C2CD5: variants seen among roughly 807,000 people sequenced by gnomAD.
The protein encoded by C2CD5 is C2 calcium dependent domain containing 5.
A neutral mutation model predicts 130.3 loss-of-function variants in C2CD5; 109 were observed. The ratio of observed to expected loss-of-function variants is 0.84; its 90% CI spans 0.72 to 0.98. The LOEUF is 0.98. Among genes scored for constraint, C2CD5 ranks in the 50% least tolerant of loss-of-function variants. C2CD5 has a pLI of 0.00. For missense variants in C2CD5, 996 were observed against 1,261.8 expected, an observed-to-expected ratio of 0.79 and a Z score of 3.19; for synonymous variants, 454 against 429.2, an observed-to-expected ratio of 1.06 and a Z score of -0.71.
chr12:22,522,845 T>C (rs1016307358), intron 7 of C2CD5, among the ~76,000 whole-genome samples: 21 of 152,200 alleles, frequency 1.4e-4, no homozygotes, highest in Admixed American at 2.6e-4. Flanking sequence ...TGAATATTCA[T>C]TTTATGCTTT....
At chr12:22,538,301 T>C (rs1952013712) in intron 2 of C2CD5, among the ~76,000 whole-genome samples, 2 of 152,204 alleles carry the variant, frequency 1.3e-5, no homozygotes, top group Non-Finnish European at 1.5e-5. Context: ...TTTCTCCACC[T>C]AATTCAAGAG....
At position 22,474,859 on chromosome 12, in the gene C2CD5, G is replaced by A. The variant is rs776270060; in HGVS notation, c.1935C>T (p.Ile645=). The A allele has an allele frequency of 1.2e-6, 2 of 1,603,942 alleles. No homozygotes were observed. The highest frequency in any genetic ancestry group is 1.7e-6 in the Non-Finnish European group (2 of 1,173,032). ...GTCTTGAGCGTTGCCTAGGTTCTGG[G>A]ATGGGTGATCCTATAATCTCTTCAG... ...EISEEIIGSP[I]PEPRQRSRLL... Residue 645 remains isoleucine, a synonymous_variant, in exon 16 of 27, where the codon ATC becomes ATT. Coordinates refer to ENST00000446597, the MANE Select transcript of C2CD5 (RefSeq NM_001286176.2).
chr12:22,539,496 T>C (rs1952139385), intron 2 of C2CD5, among the ~76,000 whole-genome samples: 1 of 152,104 alleles, frequency 6.6e-6, no homozygotes, highest in East Asian at 1.9e-4. Flanking sequence ...TCCTAAAGCT[T>C]TGCAAAAAAG....
Position 22,484,892 on chromosome 12 carries a change from T to C in C2CD5, c.1359-4A>G. The C allele has an allele frequency of 1.4e-6, 2 of 1,388,996 alleles. No individual in the cohort carries two copies. The highest frequency in any genetic ancestry group is 1.9e-6 in the Non-Finnish European group (2 of 1,035,750). The allele number at this position is 1,388,996 out of a possible 1,614,324, so 86.0% of individuals were successfully genotyped here. On this transcript the variant is annotated splice_polypyrimidine_tract_variant and splice_region_variant and intron_variant, in intron 12 of 26. Coordinates refer to ENST00000446597, the MANE Select transcript of C2CD5 (RefSeq NM_001286176.2). ...TGTAGGCAAATTTTCTTCAAGCCTA[T>C]ATAAATAAATAAAAAAATAAGATAT...
At chr12:22,481,490 C>G (rs1342390672) in intron 14 of C2CD5, among the ~76,000 whole-genome samples, 1 of 152,056 alleles carries the variant, frequency 6.6e-6, no homozygotes, top group Non-Finnish European at 1.5e-5. Flanking sequence ...TTTGCAGGCA[C>G]CTGGTTCTCT....
At chr12:22,515,896 T>C (rs1949670275) in intron 8 of C2CD5, among the ~76,000 whole-genome samples, 1 of 151,972 alleles carries the variant, frequency 6.6e-6, no homozygotes, top group Non-Finnish European at 1.5e-5. Context: ...ATTCTAACAC[T>C]AGTAAATCTA....
intron 14 of C2CD5, among the ~76,000 whole-genome samples, chr12:22,479,143 G>A (rs1021987244): frequency 6.6e-6 from 1 of 151,258 alleles, no homozygotes; most frequent in Non-Finnish European, 1.5e-5. Flanking sequence ...GCGTGATCTC[G>A]GCTCACTGCA....
At chr12:22,488,261 G>A (rs1674034865) in intron 12 of C2CD5, among the ~76,000 whole-genome samples, 1 of 151,978 alleles carries the variant, frequency 6.6e-6, no homozygotes, top group Admixed American at 6.6e-5. Flanking sequence ...TAGTGAATTA[G>A]CATGAAAAAT....
In C2CD5 at chr12:22,514,511, G is replaced by C. The variant is rs532584918; in HGVS notation, c.953-1132C>G. Among the ~76,000 whole-genome samples the C allele has an allele frequency of 6.6e-5, 10 of 151,918 alleles. No homozygotes were observed. In the East Asian group the frequency reaches 1.9e-3, roughly 29 times the overall value. ...AATTGAAATATCAGAAAATAGAGCA[G>C]AAAAATTTAATAATTAATGCAACAG... On this transcript the variant is annotated intron_variant, in intron 8 of 26. Coordinates refer to ENST00000446597, the MANE Select transcript of C2CD5 (RefSeq NM_001286176.2).
intron 2 of C2CD5, among the ~76,000 whole-genome samples, chr12:22,542,419 A>AT (rs1228603523): frequency 1.3e-5 from 2 of 152,312 alleles, no homozygotes; most frequent in Admixed American, 6.5e-5. Flanking sequence ...TTTATAGAAA[A>AT]TGGGGCTTTC....
intron 3 of C2CD5, among the ~76,000 whole-genome samples, chr12:22,531,048 A>C (rs1379000928): frequency 1.3e-5 from 2 of 152,170 alleles, no homozygotes; most frequent in African/African-American, 2.4e-5. Context: ...AAGGCTATCA[A>C]AATAAACTAT....
intron 10 of C2CD5, 75 bp downstream of exon 10, chr12:22,506,636 T>TA (rs1176359342): frequency 1.1e-5 from 10 of 895,692 alleles, no homozygotes; most frequent in South Asian, 4.5e-5. Flanking sequence ...GATTTGGCTT[T>TA]AAAAAAATCA....
At chr12:22,495,007 CTCTAA>C (rs1946831729) in intron 10 of C2CD5, among the ~76,000 whole-genome samples, 1 of 151,970 alleles carries the variant, frequency 6.6e-6, no homozygotes, top group Non-Finnish European at 1.5e-5. Flanking sequence ...CAAGTGGTTG[CTCTAA>C]TCTATTAAAT....
Position 22,459,507 on chromosome 12 carries a change from G to A in C2CD5, c.2569C>T (p.Pro857Ser). Residue 857 changes from proline to serine, a missense_variant, in exon 23 of 27, where the codon CCA becomes TCA. By Grantham distance (74) the Pro-to-Ser change is moderately conservative. Transcript: ENST00000446597. Reference protein sequence around the residue: ...LESASSNSGIPAAQRATSVDY... With the variant: ...LESASSNSGISAAQRATSVDY... ...ACAAACTCACCTCTCTGTGCAGCTG[G>A]TATACCTGAGTTAGAACTTGCACTC... The A allele has an allele frequency of 6.5e-7, 1 of 1,531,854 alleles. No individual in the cohort carries two copies. The highest frequency in any genetic ancestry group is 1.4e-5 in the African/African-American group (1 of 73,032). The allele number at this position is 1,531,854 out of a possible 1,614,324, so 94.9% of individuals were successfully genotyped here.
chr12:22,534,595 A>C (rs1299974172), intron 3 of C2CD5: 2 of 152,256 alleles, frequency 1.3e-5, no homozygotes, highest in Non-Finnish European at 2.9e-5. Flanking sequence ...AGCCATAAGA[A>C]GGAATAAAAT....
intron 26 of C2CD5, 111 bp from the exon 27 acceptor site, chr12:22,450,002 A>G (rs542344892): frequency 1.2e-6 from 1 of 810,768 alleles, no homozygotes; most frequent in African/African-American, 1.7e-5. Flanking sequence ...CTAAATCATT[A>G]GGATAAAGAT....
intron 3 of C2CD5, among the ~76,000 whole-genome samples, chr12:22,531,695 A>AT (rs939501125): frequency 1.3e-5 from 2 of 152,236 alleles, no homozygotes; most frequent in African/African-American, 4.8e-5. Flanking sequence ...AACTGTTTCT[A>AT]TAACTGAGTC....
Position 22,472,328 on chromosome 12 carries a change from T to C in C2CD5, c.2127A>G (p.Thr709=). ...AATTATTTATACCGGGCATAATTTCTGTATTACAACTATAAAAGCCTGTCA... is the reference window on the plus strand; with the variant it reads ...AATTATTTATACCGGGCATAATTTCCGTATTACAACTATAAAAGCCTGTCA... ...PPPSGFYSCN[T]EIMPGINNWT... The change falls in exon 18 of 27, where the codon ACA becomes ACG. Residue 709 remains threonine (T), a synonymous_variant. Transcript: ENST00000446597. The C allele has an allele frequency of 6.7e-7, 1 of 1,484,644 alleles. No individual in the cohort carries two copies. Among genetic ancestry groups the C allele is most frequent in the Non-Finnish European group, 9.3e-7 (1 of 1,080,118 alleles). 92.0% of individuals were successfully genotyped at this position (1,484,644 alleles called of 1,614,324 possible). A position where few individuals can be genotyped will look rare whatever the true frequency, so the allele number is the denominator to read the frequency against.
At chr12:22,461,585 T>A (rs1053044721) in intron 22 of C2CD5, among the ~76,000 whole-genome samples, 2 of 152,288 alleles carry the variant, frequency 1.3e-5, no homozygotes, top group East Asian at 3.9e-4. Flanking sequence ...GAATAGAGTA[T>A]CTTTGAAAGA....
Sources: allele counts gnomAD v4.1 joint callset (sites outside exome capture counted in the v4.1 genomes callset), GRCh38; gene constraint gnomAD v4.1.1; transcripts MANE v1.5; gene names NCBI Gene and HGNC (gene_info 2026-07-23, HGNC 2026-07-21).